Variants in HBS1L observed in about 807,000 individuals in gnomAD.
HBS1L encodes HBS1-like protein.
HBS1L carries 55 observed loss-of-function variants against 88.9 expected under a neutral mutation model. That is an observed-to-expected ratio of 0.62 (90% confidence interval 0.50 to 0.77). The LOEUF is 0.77. Ranked by LOEUF, HBS1L falls within the 30% of genes least tolerant of loss-of-function variation. The pLI is 0.00. For missense variants in HBS1L, 741 were observed against 829.3 expected, an observed-to-expected ratio of 0.89 and a Z score of 1.31; for synonymous variants, 267 against 288.5, an observed-to-expected ratio of 0.93 and a Z score of 0.76.
chr6:135,010,922 T>C (rs1413891826), intron 4 of HBS1L, among the ~76,000 whole-genome samples: 1 of 152,204 alleles, frequency 6.6e-6, no homozygotes, highest in Non-Finnish European at 1.5e-5. Context: ...ATGAATGTTA[T>C]ATATAGGAAT....
intron 13 of HBS1L, among the ~76,000 whole-genome samples, chr6:134,980,879 C>T (rs150928661): frequency 7.9e-4 from 120 of 151,944 alleles, no homozygotes; most frequent in African/African-American, 2.8e-3. Flanking sequence ...CAGAACAGTG[C>T]TTTCAAGAAT....
intron 7 of HBS1L, among the ~76,000 whole-genome samples, chr6:134,996,207 C>A (rs1392507284): frequency 1.3e-5 from 2 of 152,160 alleles, no homozygotes; most frequent in East Asian, 3.8e-4. Flanking sequence ...AAAAGAAATA[C>A]TATTCTTTGG....
At chr6:134,998,163 T>C (rs1583091880) in intron 5 of HBS1L, among the ~76,000 whole-genome samples, 2 of 152,224 alleles carry the variant, frequency 1.3e-5, no homozygotes, top group East Asian at 3.9e-4. Context: ...AGTGGAGCTT[T>C]AATTCATTAA....
chr6:135,043,652 G>A (rs1177507340), intron 2 of HBS1L, among the ~76,000 whole-genome samples: 2 of 152,160 alleles, frequency 1.3e-5, no homozygotes, highest in Admixed American at 1.3e-4. Context: ...AACAAGCACT[G>A]CGGAAGCACA....
chr6:135,053,513 G>A (rs957095125), intron 1 of HBS1L, among the ~76,000 whole-genome samples: 1 of 152,150 alleles, frequency 6.6e-6, no homozygotes, highest in African/African-American at 2.4e-5. Context: ...AGGTGACAAT[G>A]GTCCACATGC....
chr6:135,006,386 T>A (rs1281237773), intron 4 of HBS1L, among the ~76,000 whole-genome samples: 1 of 151,888 alleles, frequency 6.6e-6, no homozygotes, highest in Non-Finnish European at 1.5e-5. Context: ...TACAGATAGG[T>A]CATAAGCTGT....
At chr6:135,045,645 G>A (rs1388447014) in intron 2 of HBS1L, among the ~76,000 whole-genome samples, 1 of 152,112 alleles carries the variant, frequency 6.6e-6, no homozygotes, top group Non-Finnish European at 1.5e-5. Context: ...AGACCAGCCT[G>A]GCCAACATGG....
At chr6:135,006,301 G>A (rs927028602) in intron 4 of HBS1L, among the ~76,000 whole-genome samples, 11 of 152,334 alleles carry the variant, frequency 7.2e-5, no homozygotes, top group Admixed American at 3.3e-4. Flanking sequence ...AATTTCTGAT[G>A]AGAGGTAAAG....
chr6:135,011,360 A>C (rs1248359383), intron 4 of HBS1L, among the ~76,000 whole-genome samples: 4 of 152,044 alleles, frequency 2.6e-5, no homozygotes, highest in Non-Finnish European at 5.9e-5. Context: ...CACACACAAA[A>C]AAATTTTCAA....
chr6:135,048,555 C>A (rs1215183273), intron 2 of HBS1L, among the ~76,000 whole-genome samples: 1 of 152,244 alleles, frequency 6.6e-6, no homozygotes, highest in African/African-American at 2.4e-5. Flanking sequence ...TAAGTCACAG[C>A]TGCAAGGAGC....
intron 2 of HBS1L, among the ~76,000 whole-genome samples, chr6:135,042,813 C>CAAAAAAAAAAACAA (rs1776783531): frequency 1.5e-5 from 1 of 67,606 alleles, no homozygotes; most frequent in African/African-American, 5.0e-5. Context: ...AACTCCGTCT[C>CAAAAAAAAAAACAA]AAAAAAAAAA....
chr6:135,048,232 A>G (rs1230333312), intron 2 of HBS1L, among the ~76,000 whole-genome samples: 1 of 151,990 alleles, frequency 6.6e-6, no homozygotes, highest in Non-Finnish European at 1.5e-5. Flanking sequence ...TACTCACTTC[A>G]CCTTCCAGAA....
chr6:135,054,190 A>G (rs1777174590), intron 1 of HBS1L, among the ~76,000 whole-genome samples: 1 of 152,266 alleles, frequency 6.6e-6, no homozygotes, highest in South Asian at 2.1e-4. Context: ...AAGGTTTACC[A>G]TGTAAATCTA....
chr6:135,042,117 A>C lies in HBS1L; in HGVS notation c.119T>G (p.Phe40Cys), dbSNP rs779823365. Residue 40 changes from phenylalanine to cysteine, a missense_variant, in exon 3 of 18, where the codon TTT (phenylalanine) becomes TGT (cysteine). Physicochemically the swap from Phe to Cys is radical, Grantham distance 205. Around this residue, in one of 3 missense-constraint regions of HBS1L, gnomAD observed 556 missense variants for 598.4 expected, o/e 0.93. Transcript: ENST00000367837. ...AGGTTTGTCACGCCGTGAATAAATAAACTGAGCAGCTAGAATATAAAATGA... is the reference window on the plus strand; with the variant it reads ...AGGTTTGTCACGCCGTGAATAAATACACTGAGCAGCTAGAATATAAAATGA... ...YCISPSTAAQ[F>C]IYSRRDKPSV... 1 of 1,612,864 alleles carries C rather than the reference A, an allele frequency of 6.2e-7. No individual in the cohort carries two copies. Among genetic ancestry groups the C allele is most frequent in the East Asian group, 2.2e-5 (1 of 44,802 alleles).
chr6:135,041,916 T>C, intron 3 of HBS1L, 85 bp downstream of exon 3: 4 of 1,197,060 alleles, frequency 3.3e-6, no homozygotes, highest in Middle Eastern at 2.7e-4. Flanking sequence ...ATAGTCACTG[T>C]TATAAACACA....
chr6:134,978,473 C>T (rs928773911), intron 15 of HBS1L, among the ~76,000 whole-genome samples: 4 of 151,650 alleles, frequency 2.6e-5, no homozygotes, highest in Non-Finnish European at 4.4e-5. Context: ...CTTCTCAATG[C>T]CTTTTAAAAA....
At chr6:134,970,390 C>A (rs1209489843) in intron 15 of HBS1L, among the ~76,000 whole-genome samples, 1 of 152,150 alleles carries the variant, frequency 6.6e-6, no homozygotes. Context: ...GCCTCGGCAT[C>A]CCAAAGTGCT....
intron 4 of HBS1L, among the ~76,000 whole-genome samples, chr6:135,030,361 A>AT (rs1776350242): frequency 6.6e-6 from 1 of 152,108 alleles, no homozygotes; most frequent in African/African-American, 2.4e-5. Context: ...GAGTAAAGTG[A>AT]TATCGAAACT....
At chr6:134,986,696 T>C in intron 10 of HBS1L, 40 bp downstream of exon 10, 2 of 1,113,316 alleles carry the variant, frequency 1.8e-6, no homozygotes, top group Admixed American at 2.3e-5. Flanking sequence ...GTAAGATGAC[T>C]TAAGGAAAGT....
Sources: gnomAD v4.1 joint callset for allele counts (sites outside exome capture counted in the v4.1 genomes callset) on GRCh38, gnomAD v4.1.1 for gene constraint, gnomAD v4.1.1 regional missense constraint, MANE v1.5 for transcripts, NCBI Gene and HGNC (gene_info 2026-07-23, HGNC 2026-07-21) for gene names.